ACOXL: variants seen among roughly 807,000 people sequenced by gnomAD.
ACOXL encodes acyl-coenzyme A oxidase-like protein.
ACOXL carries 70 observed loss-of-function variants against 71.9 expected under a neutral mutation model. The ratio of observed to expected loss-of-function variants is 0.97; its 90% CI spans 0.80 to 1.19. The LOEUF is 1.19. Ranked by LOEUF, ACOXL falls within the 50% of genes most tolerant of loss-of-function variation. The pLI is 0.00. For synonymous variants in ACOXL, 253 were observed against 281.6 expected (o/e 0.90, Z 1.02); for missense variants, 703 against 736.3 (o/e 0.95, Z 0.52).
intron 16 of ACOXL, 99 bp from the exon 17 acceptor site, chr2:111,092,766 A>G: frequency 1.2e-6 from 1 of 829,666 alleles, no homozygotes; most frequent in Non-Finnish European, 2.0e-6. Flanking sequence ...CGATTTTATG[A>G]AATGTAATAT....
At chr2:110,884,896 C>T (rs1459892971) in intron 10 of ACOXL, among the ~76,000 whole-genome samples, 1 of 151,906 alleles carries the variant, frequency 6.6e-6, no homozygotes, top group Non-Finnish European at 1.5e-5. Context: ...CGAGATACAG[C>T]AACAATTGAA....
intron 1 of ACOXL, among the ~76,000 whole-genome samples, chr2:110,734,794 C>T (rs1676630598): frequency 6.6e-6 from 1 of 152,020 alleles, no homozygotes; most frequent in South Asian, 2.1e-4. Context: ...CTTGTGAATT[C>T]CATAGGGACA....
rs775158104 is a variant in ACOXL, at chr2:110,933,534, G to A, written c.951G>A (p.Glu317=). Residue 317 remains glutamate (E), a synonymous_variant, in exon 12 of 18, where the codon GAG becomes GAA. Coordinates refer to ENST00000439055, the MANE Select transcript of ACOXL (RefSeq NM_001142807.4). ...ATGAGGATGTCTTCCAGGGAAAGGA[G>A]CTGGTCAACAGTCGCTCGCTGCAGG... ...LLDEDVFQGK[E]LVNSRSLQAL... 3 of 1,614,228 alleles carry A rather than the reference G, an allele frequency of 1.9e-6. No homozygotes were observed. The highest frequency in any genetic ancestry group is 2.2e-5 in the South Asian group (2 of 91,088).
chr2:110,848,190 G>A (rs1692151348), intron 10 of ACOXL, among the ~76,000 whole-genome samples: 1 of 152,116 alleles, frequency 6.6e-6, no homozygotes, highest in Non-Finnish European at 1.5e-5. Context: ...TGAGGAGACC[G>A]TTTTCCTCCA....
chr2:111,030,324 C>A (rs1196611037), intron 14 of ACOXL, among the ~76,000 whole-genome samples: 1 of 152,176 alleles, frequency 6.6e-6, no homozygotes, highest in Non-Finnish European at 1.5e-5. Flanking sequence ...TTGCATGCAT[C>A]TGCCACACCC....
Position 110,989,971 on chromosome 2 carries a change from C to T in ACOXL, c.1169+2754C>T, listed in dbSNP as rs557733308. 1.5e-3 allele frequency among the ~76,000 whole-genome samples: 232 copies of T among 152,098 alleles called. 1 individual carries two copies. The highest frequency in any genetic ancestry group is 5.0e-3 in the African/African-American group (209 of 41,500). ...AGGAGAATTGCTTGAACCCAGGAAG[C>T]GGAGGTTGCAGTGAGCCAAGATTGC... On this transcript the variant is annotated intron_variant, in intron 13 of 17. Transcript: ENST00000439055.
chr2:110,918,061 T>C (rs2059929616), intron 11 of ACOXL, among the ~76,000 whole-genome samples: 1 of 152,224 alleles, frequency 6.6e-6, no homozygotes, highest in South Asian at 2.1e-4. Flanking sequence ...AAAACTACTT[T>C]AAATTTCATG....
chr2:111,007,055 G>T (rs930101940), intron 14 of ACOXL, among the ~76,000 whole-genome samples: 9 of 152,156 alleles, frequency 5.9e-5, no homozygotes, highest in African/African-American at 2.2e-4. Flanking sequence ...GGAAAAGGAA[G>T]AAGTTACACT....
chr2:110,790,748 G>C (rs1346727076), intron 3 of ACOXL, among the ~76,000 whole-genome samples: 1 of 152,056 alleles, frequency 6.6e-6, no homozygotes, highest in East Asian at 1.9e-4. Context: ...ACATTCCCAC[G>C]TGATCGGTTG....
intron 10 of ACOXL, among the ~76,000 whole-genome samples, chr2:110,842,536 A>C (rs1691303623): frequency 6.6e-6 from 1 of 152,148 alleles, no homozygotes; most frequent in Non-Finnish European, 1.5e-5. Context: ...GTAACAGAGA[A>C]ACCTGTATGT....
intron 10 of ACOXL, among the ~76,000 whole-genome samples, chr2:110,881,409 A>G (rs756427261): frequency 6.6e-6 from 1 of 152,100 alleles, no homozygotes. Context: ...TCCAAAAATT[A>G]TTTTGTTAAC....
chr2:111,047,805 G>A (rs1345654892), intron 15 of ACOXL, among the ~76,000 whole-genome samples: 1 of 152,238 alleles, frequency 6.6e-6, no homozygotes, highest in Non-Finnish European at 1.5e-5. Context: ...ATGCATTGGA[G>A]AGCATGTGGA....
chr2:110,822,422 G>A (rs1437209552), intron 9 of ACOXL, among the ~76,000 whole-genome samples: 1 of 151,998 alleles, frequency 6.6e-6, no homozygotes, highest in Non-Finnish European at 1.5e-5. Flanking sequence ...CAGCCTTCAC[G>A]TATGCCGGTT....
At chr2:110,760,621 T>C (rs1680278374) in intron 1 of ACOXL, among the ~76,000 whole-genome samples, 1 of 152,190 alleles carries the variant, frequency 6.6e-6, no homozygotes, top group African/African-American at 2.4e-5. Flanking sequence ...GACTCTCACA[T>C]ATTTGAGGAT....
chr2:111,033,474 A>G (rs185986126), intron 15 of ACOXL, among the ~76,000 whole-genome samples: 62 of 152,328 alleles, frequency 4.1e-4, no homozygotes, highest in Non-Finnish European at 7.8e-4. Flanking sequence ...AGGAGGTTGC[A>G]GGAAGTCACA....
chr2:110,798,950 A>C, intron 6 of ACOXL, 64 bp from the exon 7 acceptor site: 2 of 1,510,390 alleles, frequency 1.3e-6, no homozygotes, highest in Non-Finnish European at 9.2e-7. Context: ...ATGTTATACT[A>C]TTCCAGGACA....
chr2:111,093,343 T>C, intron 17 of ACOXL: 1 of 941,862 alleles, frequency 1.1e-6, no homozygotes, highest in Non-Finnish European at 1.6e-6. Context: ...GTGGTAGCCA[T>C]GGGGAATTCA....
At chr2:110,815,481 A>G (rs1687807242) in intron 9 of ACOXL, among the ~76,000 whole-genome samples, 1 of 152,184 alleles carries the variant, frequency 6.6e-6, no homozygotes, top group Non-Finnish European at 1.5e-5. Flanking sequence ...ATTTGTACAA[A>G]ATCCAAGTGA....
rs932188548 is a variant in ACOXL, at chr2:110,908,806, C to T, written c.806C>T (p.Pro269Leu). 3.7e-6 allele frequency: 6 copies of T among 1,614,008 alleles called. No homozygotes were observed. The highest frequency in any genetic ancestry group is 4.2e-6 in the Non-Finnish European group (5 of 1,179,944). Residue 269 changes from proline (P) to leucine (L), a missense_variant, in exon 11 of 18, where the codon CCC becomes CTC. Pro to Leu is a moderately conservative substitution (Grantham distance 98). Coordinates refer to ENST00000439055, the MANE Select transcript of ACOXL (RefSeq NM_001142807.4). ...CCCTCTAGCCGGAGGCAGTTTGGGC[C>T]CAAAACCAAGGAAGAGGTGAAGATC... is the stretch of plus-strand genomic sequence containing the variant. The part of the protein sequence containing the change: ...RYSHSRRQFG[P>L]KTKEEVKIIE...
Sources: allele counts gnomAD v4.1 joint callset (sites outside exome capture counted in the v4.1 genomes callset), GRCh38; gene constraint gnomAD v4.1.1; transcripts MANE v1.5; gene names NCBI Gene and HGNC (gene_info 2026-07-23, HGNC 2026-07-21).